Variants in SPDYE1 observed in about 807,000 individuals in gnomAD.
The protein encoded by SPDYE1 is speedy protein E1.
Under a neutral mutation model 45.9 loss-of-function variants are expected in SPDYE1, and 29 were observed. That is an observed-to-expected ratio of 0.63 (90% confidence interval 0.47 to 0.86). The LOEUF is 0.86. Ranked by LOEUF, SPDYE1 falls within the 40% of genes least tolerant of loss-of-function variation. The pLI, the probability that SPDYE1 is intolerant of heterozygous loss-of-function variation, is 0.00. For synonymous variants in SPDYE1, 134 were observed against 176.8 expected, an observed-to-expected ratio of 0.76 and a Z score of 1.92; for missense variants, 346 against 481.4, an observed-to-expected ratio of 0.72 and a Z score of 2.63.
In SPDYE1 at chr7:44,009,809, C is replaced by T. The variant is rs2096076629; in HGVS notation, c.*1188C>T. The T allele has an allele frequency of 6.6e-6, 1 of 151,474 alleles. No homozygotes were observed. The highest frequency in any genetic ancestry group is 6.6e-5 in the Admixed American group (1 of 15,178). The allele number at this position is 151,474 out of a possible 1,614,324, so 9.4% of individuals were successfully genotyped here. A position where few individuals can be genotyped will look rare whatever the true frequency, so the allele number is the denominator to read the frequency against. ...CATCCTAAATCTTTTACCTTTCAAT[C>T]TTTGTATCTATTATTACACGTGCTG... On this transcript the variant is annotated 3_prime_UTR_variant, in exon 9 of 9. Coordinates refer to ENST00000693451, the MANE Select transcript of SPDYE1 (RefSeq NM_001378423.2).
intron 2 of SPDYE1, 185 bp from the exon 3 acceptor site, chr7:44,000,881 G>A (rs1280300984): frequency 3.5e-6 from 5 of 1,435,320 alleles, no homozygotes; most frequent in African/African-American, 1.5e-5. Flanking sequence ...GACAGAGAGA[G>A]AGAAGAATGG....
rs202109454 is a variant in SPDYE1, at chr7:44,001,939, C to CAA, written c.380-636_380-635dup. 2.4e-3 allele frequency among the ~76,000 whole-genome samples: 207 copies of CAA among 86,804 alleles called. 1 individual carries two copies. The highest frequency in any genetic ancestry group is 8.3e-3 in the African/African-American group (192 of 23,248). 56.9% of individuals were successfully genotyped at this position (86,804 alleles called of 152,430 possible). A position where few individuals can be genotyped will look rare whatever the true frequency, so the allele number is the denominator to read the frequency against. ...TGGGTGAGAGAGTGAGACGCTGTCT[C>CAA]AAAAAAAAAAAAAAAAGAAGGAAGG... On this transcript the variant is annotated intron_variant, in intron 3 of 8. Coordinates refer to ENST00000693451, the MANE Select transcript of SPDYE1 (RefSeq NM_001378423.2).
intron 3 of SPDYE1, among the ~76,000 whole-genome samples, chr7:44,001,690 C>T (rs1310713434): frequency 6.6e-6 from 1 of 152,120 alleles, no homozygotes; most frequent in East Asian, 1.9e-4. Context: ...TAGCTCATGC[C>T]TGTAATCCCA....
chr7:44,003,981 C>T, intron 5 of SPDYE1, 70 bp downstream of exon 5: 1 of 772,326 alleles, frequency 1.3e-6, no homozygotes, highest in Non-Finnish European at 2.2e-6. Context: ...GCTTCCAAAC[C>T]CACAGTTCTC....
rs138912533 is a variant in SPDYE1 at position 44,002,624 on chromosome 7, C to G, written c.414C>G (p.Ser138=). 2.1e-3 allele frequency: 3,399 copies of G among 1,596,892 alleles called. 6 individuals carry two copies. The highest frequency in any genetic ancestry group is 3.5e-3 in the Admixed American group (208 of 59,842). The change falls in exon 4 of 9, where the codon TCC becomes TCG. Residue 138 remains serine, a synonymous_variant. Coordinates refer to ENST00000693451, the MANE Select transcript of SPDYE1 (RefSeq NM_001378423.2). ...TAGATCCCAGCCCCCCGCATAGGTCCTTTTGCTGGAAAAGGAAGATGGAGT... is the reference window on the plus strand; with the variant it reads ...TAGATCCCAGCCCCCCGCATAGGTCGTTTTGCTGGAAAAGGAAGATGGAGT... ...PGVDPSPPHR[S]FCWKRKMEWW...
At chr7:44,006,207 T>C (rs575804682) in intron 6 of SPDYE1, among the ~76,000 whole-genome samples, 7 of 152,162 alleles carry the variant, frequency 4.6e-5, no homozygotes, top group Non-Finnish European at 7.4e-5. Context: ...ACTTTGTGTT[T>C]GTGTTTTCTG....
chr7:44,000,385 G>A (rs1328787331), intron 2 of SPDYE1, among the ~76,000 whole-genome samples: 1 of 150,246 alleles, frequency 6.7e-6, no homozygotes, highest in East Asian at 2.0e-4. Flanking sequence ...GGAGGAAGAG[G>A]TTGCAGTGAG....
Position 44,008,871 on chromosome 7 carries a change from T to C in SPDYE1, c.*250T>C. 2 of 521,100 alleles carry C rather than the reference T, an allele frequency of 3.8e-6. No individual in the cohort carries two copies. The highest frequency in any genetic ancestry group is 1.4e-5 in the South Asian group (1 of 71,410). 32.3% of individuals were successfully genotyped at this position (521,100 alleles called of 1,614,324 possible). ...GGGGATGGGGTCCTTCTAGGAGTCC[T>C]TGGAGAAAAGTAAGAAACCAGGAGT... On this transcript the variant is annotated 3_prime_UTR_variant, in exon 9 of 9. Coordinates refer to ENST00000693451, the MANE Select transcript of SPDYE1 (RefSeq NM_001378423.2).
rs762727497 is a variant in SPDYE1, at chr7:44,005,121, G to C, written c.667-21G>C. The C allele has an allele frequency of 1.9e-6, 3 of 1,611,148 alleles. No individual in the cohort carries two copies. The South Asian group carries it at 3.3e-5, about 18-fold the overall frequency. ...TCCAAGATGTGACCTCTCCCTCTCT[G>C]TGTTCCTTTCTCTCCATCAGTATCT... On this transcript the variant is annotated intron_variant, in intron 5 of 8. Coordinates refer to ENST00000693451, the MANE Select transcript of SPDYE1 (RefSeq NM_001378423.2).
intron 6 of SPDYE1, 131 bp downstream of exon 6, chr7:44,005,358 T>C: frequency 7.5e-7 from 1 of 1,326,146 alleles, no homozygotes; most frequent in Non-Finnish European, 1.1e-6. Context: ...AAGAGAGGAT[T>C]ATACTATCAT....
chr7:44,007,503 A>C lies in SPDYE1; in HGVS notation c.988A>C (p.Ile330Leu). The C allele has an allele frequency of 6.2e-7, 1 of 1,613,828 alleles. No individual in the cohort carries two copies. Among genetic ancestry groups the C allele is most frequent in the Non-Finnish European group, 8.5e-7 (1 of 1,179,948 alleles). The change falls in exon 7 of 9, where the codon ATA becomes CTA. Residue 330 changes from isoleucine to leucine, a missense_variant. Coordinates refer to ENST00000693451, the MANE Select transcript of SPDYE1 (RefSeq NM_001378423.2). ...NPRARKNRSQ[I>L]VLFQKRRFHF... is the part of the protein sequence containing the mutation. ...GAGGGCCAGGAAGAACCGCTCTCAG[A>C]TAGTCCTGTTCCAGAAACGTCGGTT...
chr7:44,004,112 T>C, intron 5 of SPDYE1: 1 of 910,406 alleles, frequency 1.1e-6, no homozygotes, highest in South Asian at 1.7e-5. Context: ...CTTCACTCAC[T>C]GCAGCCGATG....
rs539153439 is a variant in SPDYE1 at position 44,007,999 on chromosome 7, C to T, written c.*45+186C>T. 215 of 1,445,574 alleles carry T rather than the reference C, an allele frequency of 1.5e-4. No homozygotes were observed. The Middle Eastern group carries it at 1.5e-3, about 10-fold the overall frequency. 89.5% of individuals were successfully genotyped at this position (1,445,574 alleles called of 1,614,324 possible). On this transcript the variant is annotated intron_variant, in intron 8 of 8. Coordinates refer to ENST00000693451, the MANE Select transcript of SPDYE1 (RefSeq NM_001378423.2). Reference sequence around the variant, plus strand: ...CTCCCAACTACTCAGGAGGCCGAGGCGGGAGGATTGCTGGAGCCTGGAAGG... The same window carrying T: ...CTCCCAACTACTCAGGAGGCCGAGGTGGGAGGATTGCTGGAGCCTGGAAGG...
Position 44,007,568 on chromosome 7 carries a change from C to T in SPDYE1, c.1053C>T (p.Ser351=), listed in dbSNP as rs767364886. 3.1e-6 allele frequency: 5 copies of T among 1,613,132 alleles called. No individual in the cohort carries two copies. In the African/African-American group the frequency reaches 4.0e-5, roughly 13 times the overall value. The change falls in exon 7 of 9, where the codon TCC becomes TCT. Residue 351 remains serine, a synonymous_variant. Coordinates refer to ENST00000693451, the MANE Select transcript of SPDYE1 (RefSeq NM_001378423.2). ...CCATGAGCTGCAGGGCTTGGGTTTCCCCAGAGGAGTTGGAGGAGGTGAGTG... is the reference window on the plus strand; with the variant it reads ...CCATGAGCTGCAGGGCTTGGGTTTCTCCAGAGGAGTTGGAGGAGGTGAGTG... ...FCSMSCRAWV[S]PEELEEIQAY...
intron 1 of SPDYE1, among the ~76,000 whole-genome samples, chr7:43,998,163 G>A (rs1008178691): frequency 2.1e-4 from 32 of 151,992 alleles, no homozygotes; most frequent in Non-Finnish European, 3.7e-4. Flanking sequence ...TCATGAATGC[G>A]AATTTGAACT....
At chr7:44,008,026 C>T (rs1318888925) in intron 8 of SPDYE1, among the ~76,000 whole-genome samples, 6 of 152,198 alleles carry the variant, frequency 3.9e-5, no homozygotes, top group Non-Finnish European at 5.9e-5. Context: ...CCTGGAAGGT[C>T]GGGGCTGCAC....
In SPDYE1 at chr7:44,009,498, CAT is replaced by C. The variant is rs1426123362; in HGVS notation, c.*878_*879del. 3 of 151,360 alleles carry C rather than the reference CAT, an allele frequency of 2.0e-5. No homozygotes were observed. The highest frequency in any genetic ancestry group is 4.8e-5 in the African/African-American group (2 of 41,290). 9.4% of individuals were successfully genotyped at this position (151,360 alleles called of 1,614,324 possible). A position where few individuals can be genotyped will look rare whatever the true frequency, so the allele number is the denominator to read the frequency against. On this transcript the variant is annotated 3_prime_UTR_variant, in exon 9 of 9. Transcript: ENST00000693451. ...GTGAGAATTCAGTTGTGATTTTTAA[CAT>C]GTGTCAGATATATATACTAACACGT...
In SPDYE1 at chr7:44,009,564, T is replaced by C. The variant is rs1182035268; in HGVS notation, c.*943T>C. 6.7e-6 allele frequency: 1 copy of C among 149,558 alleles called. No homozygotes were observed. Among genetic ancestry groups the C allele is most frequent in the Non-Finnish European group, 1.5e-5 (1 of 67,438 alleles). The allele number at this position is 149,558 out of a possible 1,614,324, so 9.3% of individuals were successfully genotyped here. ...TTTTATTGGTTTATTTTGAAAAACA[T>C]GGGTATAGAATTATTTAAATATTAT... On this transcript the variant is annotated 3_prime_UTR_variant, in exon 9 of 9. Transcript: ENST00000693451.
At chr7:44,000,695 G>T (rs1423226121) in intron 2 of SPDYE1, among the ~76,000 whole-genome samples, 1 of 150,684 alleles carries the variant, frequency 6.6e-6, no homozygotes, top group African/African-American at 2.5e-5. Flanking sequence ...GAGAGGCTGA[G>T]GCAGAAGAAT....
Sources: gnomAD v4.1 joint callset for allele counts (sites outside exome capture counted in the v4.1 genomes callset) on GRCh38, gnomAD v4.1.1 for gene constraint, MANE v1.5 for transcripts, NCBI Gene and HGNC (gene_info 2026-07-23, HGNC 2026-07-21) for gene names.